Variants in IQCM observed in about 807,000 individuals in gnomAD.
IQCM encodes the protein IQ motif containing M, also known as IQ domain-containing protein M.
IQCM carries 45 observed loss-of-function variants against 57.6 expected under a neutral mutation model. The ratio of observed to expected loss-of-function variants is 0.78; its 90% CI spans 0.62 to 1.00. The LOEUF is 1.00. Among genes scored for constraint, IQCM ranks in the 50% least tolerant of loss-of-function variants. The probability of loss-of-function intolerance (pLI) is 0.00; values close to 1 mark genes in which losing one functional copy is unlikely to be tolerated. For missense variants in IQCM, 468 were observed against 511.6 expected (o/e 0.91, Z 0.82); for synonymous variants, 148 against 158.9 (o/e 0.93, Z 0.51).
chr4:149,529,059 G>T (rs962587817), intron 12 of IQCM, among the ~76,000 whole-genome samples: 5 of 151,852 alleles, frequency 3.3e-5, no homozygotes, highest in Admixed American at 2.0e-4. Context: ...AATATTACTG[G>T]GTAGGAAAAT....
intron 5 of IQCM, among the ~76,000 whole-genome samples, chr4:149,709,177 T>C (rs1454410629): frequency 1.3e-5 from 2 of 152,104 alleles, no homozygotes; most frequent in East Asian, 3.9e-4. Context: ...TGTACTTGGG[T>C]ATCAACGTAG....
intron 12 of IQCM, among the ~76,000 whole-genome samples, chr4:149,537,066 T>C (rs1474587795): frequency 2.0e-5 from 3 of 151,828 alleles, no homozygotes; most frequent in Non-Finnish European, 2.9e-5. Context: ...AAATGAGACA[T>C]GCCAAGAAAT....
Position 149,351,809 on chromosome 4 carries a change from G to T in IQCM, c.*142C>A. 2.6e-6 allele frequency: 1 copy of T among 378,588 alleles called. No individual in the cohort carries two copies. Among genetic ancestry groups the T allele is most frequent in the Non-Finnish European group, 4.6e-6 (1 of 216,368 alleles). 23.5% of individuals were successfully genotyped at this position (378,588 alleles called of 1,614,324 possible). The stretch of plus-strand genomic sequence containing the variant: ...TCATCCAAAAATACTAGAAATTATA[G>T]ATAAACTTGTCAAAGTTCTTTCTAT... On this transcript the variant is annotated 3_prime_UTR_variant, in exon 14 of 14. Coordinates refer to ENST00000636793, the MANE Select transcript of IQCM (RefSeq NM_001363507.2).
chr4:149,523,387 GA>G (rs1312953660), intron 12 of IQCM, among the ~76,000 whole-genome samples: 2 of 151,780 alleles, frequency 1.3e-5, no homozygotes, highest in Non-Finnish European at 1.5e-5. Context: ...AAAGACAGTT[GA>G]AAAAAATCCT....
At chr4:149,415,147 T>A (rs1733653715) in intron 13 of IQCM, among the ~76,000 whole-genome samples, 1 of 152,216 alleles carries the variant, frequency 6.6e-6, no homozygotes, top group Admixed American at 6.5e-5. Context: ...TGTCACAGTT[T>A]CATCATATTT....
chr4:149,604,045 A>G (rs1754558751), intron 8 of IQCM, among the ~76,000 whole-genome samples: 1 of 152,140 alleles, frequency 6.6e-6, no homozygotes, highest in Non-Finnish European at 1.5e-5. Context: ...TCTGAAAACC[A>G]AAAAAGTTTT....
At chr4:149,361,632 C>T (rs1370404419) in intron 13 of IQCM, among the ~76,000 whole-genome samples, 1 of 152,146 alleles carries the variant, frequency 6.6e-6, no homozygotes, top group African/African-American at 2.4e-5. Flanking sequence ...TGGTGTTGAG[C>T]CTGTGGGTGC....
At chr4:149,641,173 A>T (rs1758158528) in intron 7 of IQCM, among the ~76,000 whole-genome samples, 1 of 152,232 alleles carries the variant, frequency 6.6e-6, no homozygotes, top group African/African-American at 2.4e-5. Context: ...TATTAAACTA[A>T]CTATGAGAAA....
At chr4:149,487,091 T>A (rs557256341) in intron 12 of IQCM, among the ~76,000 whole-genome samples, 1 of 152,248 alleles carries the variant, frequency 6.6e-6, no homozygotes, top group Non-Finnish European at 1.5e-5. Context: ...CACAGTGTAC[T>A]CCCTGGTATC....
intron 12 of IQCM, among the ~76,000 whole-genome samples, chr4:149,544,262 A>T (rs1297145064): frequency 6.6e-6 from 1 of 152,144 alleles, no homozygotes; most frequent in Admixed American, 6.6e-5. Context: ...ATTTCTCTAC[A>T]TTAACAAAAA....
At chr4:149,641,857 TAA>T (rs1207683448) in intron 7 of IQCM, among the ~76,000 whole-genome samples, 1 of 152,114 alleles carries the variant, frequency 6.6e-6, no homozygotes, top group African/African-American at 2.4e-5. Context: ...ACCTTGGGGA[TAA>T]AAAAAGATCA....
At chr4:149,517,489 A>G (rs1745101893) in intron 12 of IQCM, among the ~76,000 whole-genome samples, 1 of 152,110 alleles carries the variant, frequency 6.6e-6, no homozygotes, top group South Asian at 2.1e-4. Context: ...TTATGACCTT[A>G]TTATTGTCTT....
At chr4:149,529,502 T>C (rs923898677) in intron 12 of IQCM, among the ~76,000 whole-genome samples, 2 of 152,234 alleles carry the variant, frequency 1.3e-5, no homozygotes, top group African/African-American at 2.4e-5. Context: ...CAGGCTTTCA[T>C]TGGCATTGAC....
intron 2 of IQCM, among the ~76,000 whole-genome samples, chr4:149,791,085 A>T (rs1487863507): frequency 1.3e-5 from 2 of 152,192 alleles, no homozygotes; most frequent in Non-Finnish European, 2.9e-5. Flanking sequence ...ATTAAAAAGT[A>T]AAGCAATATA....
chr4:149,549,298 G>A lies in IQCM; in HGVS notation c.1094-709C>T, dbSNP rs28498468. On this transcript the variant is annotated intron_variant, in intron 11 of 13. Coordinates refer to ENST00000636793, the MANE Select transcript of IQCM (RefSeq NM_001363507.2). Reference sequence around the variant, plus strand: ...TGGGAGGCCGAGGCGGGCGGATCACGAGGTCAGGAGATCGAGACCATCCCG... The same window carrying A: ...TGGGAGGCCGAGGCGGGCGGATCACAAGGTCAGGAGATCGAGACCATCCCG... 2.1e-3 allele frequency among the ~76,000 whole-genome samples: 318 copies of A among 152,084 alleles called. 3 individuals carry two copies. The highest frequency in any genetic ancestry group is 7.2e-3 in the African/African-American group (299 of 41,504).
At position 149,626,191 on chromosome 4, in the gene IQCM, A is replaced by G. The variant is rs1321331507; in HGVS notation, c.566-4947T>C. Among the ~76,000 whole-genome samples, 8 of 151,952 alleles carry G rather than the reference A, an allele frequency of 5.3e-5. No homozygotes were observed. The East Asian group carries it at 1.6e-3, about 30-fold the overall frequency. ...CAGCATAGCTAGAATATAAGCAGGC[A>G]GAAAAATATGAAAAGAGACACTGGC... On this transcript the variant is annotated intron_variant, in intron 7 of 13. Coordinates refer to ENST00000636793, the MANE Select transcript of IQCM (RefSeq NM_001363507.2).
At chr4:149,714,866 G>A (rs963162596) in intron 5 of IQCM, among the ~76,000 whole-genome samples, 4 of 152,182 alleles carry the variant, frequency 2.6e-5, no homozygotes, top group Non-Finnish European at 2.9e-5. Flanking sequence ...GTGTGGATAT[G>A]CTGGAGACAG....
At chr4:149,594,325 C>T (rs1466355882) in intron 8 of IQCM, among the ~76,000 whole-genome samples, 2 of 152,008 alleles carry the variant, frequency 1.3e-5, no homozygotes, top group African/African-American at 4.8e-5. Flanking sequence ...ATTTTTATTG[C>T]ATCTACTTTA....
intron 5 of IQCM, 98 bp from the exon 6 acceptor site, chr4:149,686,566 G>T: frequency 2.3e-6 from 1 of 442,128 alleles, no homozygotes; most frequent in Non-Finnish European, 3.7e-6. Flanking sequence ...TTAATAACAA[G>T]AGCTATAATC....
Sources: gnomAD v4.1 joint callset for allele counts (sites outside exome capture counted in the v4.1 genomes callset) on GRCh38, gnomAD v4.1.1 for gene constraint, MANE v1.5 for transcripts, NCBI Gene and HGNC (gene_info 2026-07-23, HGNC 2026-07-21) for gene names.